DISC1: variants seen among roughly 807,000 people sequenced by gnomAD.
The protein encoded by DISC1 is DISC1 scaffold protein.
Under a neutral mutation model 84.5 loss-of-function variants are expected in DISC1, and 57 were observed. The observed-to-expected ratio is 0.67, with a 90% CI of 0.55 to 0.84. The LOEUF is 0.84. DISC1 is among the 40% of genes least tolerant of loss of function. The pLI is 0.00. For missense variants in DISC1, 1,000 were observed against 1,057.8 expected, an observed-to-expected ratio of 0.95 and a Z score of 0.76; for synonymous variants, 411 against 415.2, an observed-to-expected ratio of 0.99 and a Z score of 0.12.
intron 9 of DISC1, among the ~76,000 whole-genome samples, chr1:231,873,160 C>T (rs7512173): frequency 0.12 from 18,861 of 152,198 alleles, 1,303 homozygotes; most frequent in East Asian, 0.32. Context: ...CAAGAACTTC[C>T]GCTGTAAAGT....
intron 6 of DISC1, among the ~76,000 whole-genome samples, chr1:231,771,823 A>G (rs886613164): frequency 6.6e-6 from 1 of 152,114 alleles, no homozygotes; most frequent in African/African-American, 2.4e-5. Context: ...TATTTTTAAG[A>G]GACAGGGTCT....
At chr1:231,724,982 G>A (rs2070415147) in intron 3 of DISC1, among the ~76,000 whole-genome samples, 1 of 152,278 alleles carries the variant, frequency 6.6e-6, no homozygotes, top group East Asian at 1.9e-4. Context: ...TGTCACTATA[G>A]GAGAGATTCC....
intron 9 of DISC1, among the ~76,000 whole-genome samples, chr1:231,847,509 A>G (rs2083545206): frequency 2.6e-5 from 4 of 152,190 alleles, no homozygotes; most frequent in Admixed American, 2.6e-4. Flanking sequence ...AAAATAATCC[A>G]GAAAGTTACC....
At chr1:231,718,966 T>A (rs1459543922) in intron 3 of DISC1, among the ~76,000 whole-genome samples, 1 of 152,052 alleles carries the variant, frequency 6.6e-6, no homozygotes, top group Non-Finnish European at 1.5e-5. Flanking sequence ...GGACCCCATG[T>A]CTATAAAATT....
chr1:232,027,660 C>A (rs1300876146), intron 12 of DISC1, among the ~76,000 whole-genome samples: 1 of 152,176 alleles, frequency 6.6e-6, no homozygotes, highest in Non-Finnish European at 1.5e-5. Context: ...AAAACACTTC[C>A]CTATTCATTC....
At chr1:231,667,606 G>A (rs1377874902) in intron 1 of DISC1, among the ~76,000 whole-genome samples, 5 of 152,120 alleles carry the variant, frequency 3.3e-5, no homozygotes, top group Non-Finnish European at 5.9e-5. Flanking sequence ...TTAAAAATTA[G>A]CAATTCAAAT....
intron 8 of DISC1, among the ~76,000 whole-genome samples, chr1:231,800,735 C>G (rs1260711751): frequency 6.6e-6 from 1 of 152,120 alleles, no homozygotes; most frequent in Non-Finnish European, 1.5e-5. Context: ...TTAGTGCTTT[C>G]AAACACTCCT....
At chr1:231,796,758 C>T (rs746745871) in intron 7 of DISC1, among the ~76,000 whole-genome samples, 3 of 152,156 alleles carry the variant, frequency 2.0e-5, no homozygotes, top group African/African-American at 4.8e-5. Flanking sequence ...TTCTTTCACC[C>T]AGGCTGGAGT....
intron 10 of DISC1, among the ~76,000 whole-genome samples, chr1:231,963,337 T>C (rs973042796): frequency 6.6e-6 from 1 of 152,212 alleles, no homozygotes; most frequent in Non-Finnish European, 1.5e-5. Context: ...TTGAATCATG[T>C]GAAATTGCTG....
chr1:231,865,322 G>T (rs1558666196), intron 9 of DISC1, among the ~76,000 whole-genome samples: 1 of 152,188 alleles, frequency 6.6e-6, no homozygotes, highest in Non-Finnish European at 1.5e-5. Context: ...CTTCATGTTT[G>T]CCAAAGACCA....
chr1:231,810,811 T>A (rs893661433), intron 8 of DISC1, among the ~76,000 whole-genome samples: 1 of 152,174 alleles, frequency 6.6e-6, no homozygotes, highest in Non-Finnish European at 1.5e-5. Flanking sequence ...ATTAATCCAG[T>A]CCTGAACATT....
At chr1:231,642,185 G>C (rs1167646943) in intron 1 of DISC1, among the ~76,000 whole-genome samples, 1 of 152,150 alleles carries the variant, frequency 6.6e-6, no homozygotes, top group African/African-American at 2.4e-5. Context: ...CGGCGGGGCC[G>C]GCCGGCCACT....
intron 9 of DISC1, among the ~76,000 whole-genome samples, chr1:231,890,751 C>T (rs2087143687): frequency 6.6e-6 from 1 of 152,082 alleles, no homozygotes; most frequent in African/African-American, 2.4e-5. Context: ...TATTTAATTG[C>T]AATAAAAAGG....
chr1:231,891,287 A>G (rs1015961129), intron 9 of DISC1, among the ~76,000 whole-genome samples: 2 of 152,260 alleles, frequency 1.3e-5, no homozygotes, highest in African/African-American at 4.8e-5. Flanking sequence ...GCCACATTCA[A>G]AGCCATCCTG....
At chr1:231,734,287 C>T (rs1404414657) in intron 3 of DISC1, among the ~76,000 whole-genome samples, 1 of 152,142 alleles carries the variant, frequency 6.6e-6, no homozygotes, top group East Asian at 1.9e-4. Flanking sequence ...TTCCCTGGCA[C>T]ATTTGATGAT....
intron 1 of DISC1, among the ~76,000 whole-genome samples, chr1:231,659,351 TC>T (rs1266477668): frequency 9.2e-5 from 14 of 152,220 alleles, no homozygotes; most frequent in African/African-American, 3.4e-4. Context: ...TTCTATTGTA[TC>T]TATTTGATTC....
rs563406277 is a variant in DISC1, at chr1:231,766,162, C to T, written c.1269-978C>T. Among the ~76,000 whole-genome samples the T allele has an allele frequency of 2.2e-3, 337 of 151,904 alleles. 1 individual carries two copies. The highest frequency in any genetic ancestry group is 7.7e-3 in the African/African-American group (320 of 41,426). On this transcript the variant is annotated intron_variant, in intron 4 of 12. Transcript: ENST00000439617. Reference sequence around the variant, plus strand: ...AAAATTAGCTGGGCATGGTGGCACACGCCTGTAGTCCCAGCTATTCGGGAG... The same window carrying T: ...AAAATTAGCTGGGCATGGTGGCACATGCCTGTAGTCCCAGCTATTCGGGAG...
At chr1:231,686,642 G>A (rs918205564) in intron 1 of DISC1, among the ~76,000 whole-genome samples, 3 of 152,192 alleles carry the variant, frequency 2.0e-5, no homozygotes, top group Admixed American at 6.5e-5. Flanking sequence ...TTGACATGCC[G>A]AGGAGATGTC....
intron 10 of DISC1, among the ~76,000 whole-genome samples, chr1:231,970,658 T>A: frequency 6.6e-6 from 1 of 152,204 alleles, no homozygotes; most frequent in East Asian, 1.9e-4. Context: ...TGACCATGAC[T>A]TTCACTAATA....
Sources: allele counts gnomAD v4.1 joint callset (sites outside exome capture counted in the v4.1 genomes callset), GRCh38; gene constraint gnomAD v4.1.1; transcripts MANE v1.5; gene names NCBI Gene and HGNC (gene_info 2026-07-23, HGNC 2026-07-21).